ZZZ3: variants seen among roughly 807,000 people sequenced by gnomAD.
ZZZ3 encodes the protein zinc finger ZZ-type containing 3.
ZZZ3 carries 22 observed loss-of-function variants against 95.2 expected under a neutral mutation model. The ratio of observed to expected loss-of-function variants is 0.23; its 90% confidence interval spans 0.17 to 0.33. The LOEUF is 0.33. Among genes scored for constraint, ZZZ3 ranks in the 10% least tolerant of loss-of-function variants. ZZZ3 has a pLI of 1.00. For missense variants in ZZZ3, 885 were observed against 1,066.5 expected (o/e 0.83, Z 2.37); for synonymous variants, 335 against 358.9 (o/e 0.93, Z 0.75).
chr1:77,593,370 T>A (rs948919434), intron 5 of ZZZ3, among the ~76,000 whole-genome samples: 5 of 152,184 alleles, frequency 3.3e-5, no homozygotes, highest in Admixed American at 6.5e-5. Flanking sequence ...AATATAGCAA[T>A]GAAAATGGAC....
At chr1:77,625,195 C>T (rs1667228594) in intron 5 of ZZZ3, among the ~76,000 whole-genome samples, 1 of 152,122 alleles carries the variant, frequency 6.6e-6, no homozygotes, top group Non-Finnish European at 1.5e-5. Flanking sequence ...GGGTTTATTG[C>T]TAAGTGAGTC....
At chr1:77,680,823 A>G (rs899911500) in intron 1 of ZZZ3, among the ~76,000 whole-genome samples, 1 of 152,218 alleles carries the variant, frequency 6.6e-6, no homozygotes, top group African/African-American at 2.4e-5. Flanking sequence ...TACATAACAC[A>G]CATTAAAGAT....
chr1:77,619,566 G>A (rs1344514612), intron 5 of ZZZ3, among the ~76,000 whole-genome samples: 1 of 152,082 alleles, frequency 6.6e-6, no homozygotes, highest in East Asian at 1.9e-4. Flanking sequence ...TTGTAAAATT[G>A]TATTTACAAT....
In ZZZ3 at chr1:77,632,478, T is replaced by C. The variant is rs1667897550; in HGVS notation, c.877A>G (p.Asn293Asp). 1.2e-6 allele frequency: 2 copies of C among 1,614,050 alleles called. No homozygotes were observed. Among genetic ancestry groups the C allele is most frequent in the African/African-American group, 2.7e-5 (2 of 74,924 alleles). Residue 293 changes from asparagine to aspartate, a missense_variant, in exon 5 of 15, where the codon AAT becomes GAT. By Grantham distance (23) the Asn-to-Asp change is conservative (BLOSUM62 1). Transcript: ENST00000370801. ...GTAGCTGGCTCAGTAGTCAGCTGAT[T>C]AACATGTTCCACAGGCAAGCAGGCA... ...VTACLPVEHVNQLTTEPATGP... is the reference protein window; with the variant it reads ...VTACLPVEHVDQLTTEPATGP...
At chr1:77,667,746 T>C (rs903200311) in intron 1 of ZZZ3, among the ~76,000 whole-genome samples, 1 of 150,944 alleles carries the variant, frequency 6.6e-6, no homozygotes, top group Non-Finnish European at 1.5e-5. Flanking sequence ...TTATATACCA[T>C]TAGTTAAATG....
At chr1:77,647,923 T>C (rs1017932306) in intron 1 of ZZZ3, among the ~76,000 whole-genome samples, 3 of 152,060 alleles carry the variant, frequency 2.0e-5, no homozygotes, top group Non-Finnish European at 4.4e-5. Flanking sequence ...CTAACAAAGA[T>C]GAAAAGCAAG....
At chr1:77,596,139 G>A (rs1557710116) in intron 5 of ZZZ3, among the ~76,000 whole-genome samples, 1 of 152,156 alleles carries the variant, frequency 6.6e-6, no homozygotes, top group East Asian at 1.9e-4. Context: ...GACCATCAAA[G>A]GATGCTGCAG....
At chr1:77,572,636 C>A (rs1167161876) in intron 12 of ZZZ3, among the ~76,000 whole-genome samples, 2 of 151,346 alleles carry the variant, frequency 1.3e-5, no homozygotes, top group African/African-American at 2.4e-5. Flanking sequence ...CTGCGCCCGG[C>A]CTTTTTGTTT....
intron 12 of ZZZ3, among the ~76,000 whole-genome samples, chr1:77,570,355 A>G: frequency 6.6e-6 from 1 of 152,110 alleles, no homozygotes; most frequent in East Asian, 1.9e-4. Flanking sequence ...TGCCTGCCTC[A>G]GCCTCCCAAA....
At chr1:77,566,355 G>A (rs1464610944) in intron 13 of ZZZ3, among the ~76,000 whole-genome samples, 174 bp from the exon 14 acceptor site, 1 of 152,130 alleles carries the variant, frequency 6.6e-6, no homozygotes, top group Non-Finnish European at 1.5e-5. Flanking sequence ...TAGCAAACTA[G>A]GTAAAATTCC....
intron 4 of ZZZ3, among the ~76,000 whole-genome samples, chr1:77,636,050 T>C (rs368842254): frequency 4.6e-5 from 7 of 152,214 alleles, no homozygotes; most frequent in African/African-American, 1.7e-4. Flanking sequence ...AAAAAAAGCA[T>C]AAGGCTAAGT....
intron 5 of ZZZ3, 40 bp downstream of exon 5, chr1:77,631,810 T>C (rs376055275): frequency 5.1e-5 from 74 of 1,452,472 alleles, no homozygotes; most frequent in Non-Finnish European, 6.3e-5. Flanking sequence ...TGGGGAATAA[T>C]AAACAAAGCA....
At chr1:77,628,951 T>C (rs947295656) in intron 5 of ZZZ3, among the ~76,000 whole-genome samples, 15 of 152,204 alleles carry the variant, frequency 9.9e-5, no homozygotes, top group African/African-American at 3.4e-4. Flanking sequence ...GGTATGTACA[T>C]ATGTGTGTAC....
At chr1:77,566,292 A>C in intron 13 of ZZZ3, 111 bp from the exon 14 acceptor site, 1 of 705,922 alleles carries the variant, frequency 1.4e-6, no homozygotes, top group Non-Finnish European at 2.4e-6. Context: ...TTCTCTCTCC[A>C]TGCACAGGAC....
chr1:77,609,358 C>T (rs59789474), intron 5 of ZZZ3, among the ~76,000 whole-genome samples: 2,102 of 152,192 alleles, frequency 0.014, 46 homozygotes, highest in African/African-American at 0.048. Context: ...AATATATATG[C>T]ACTCAACACT....
Position 77,578,771 on chromosome 1 carries a change from T to C in ZZZ3, c.2178+3A>G. ...CAGTTTACTTTCATGTATTTTCTTT[T>C]ACCTTTTTGGAGTATATATATAAGT... On this transcript the variant is annotated splice_donor_region_variant and intron_variant, in intron 11 of 14. Coordinates refer to ENST00000370801, the MANE Select transcript of ZZZ3 (RefSeq NM_015534.6). 6.7e-7 allele frequency: 1 copy of C among 1,501,822 alleles called. No homozygotes were observed. Among genetic ancestry groups the C allele is most frequent in the Non-Finnish European group, 8.9e-7 (1 of 1,126,552 alleles). The allele number at this position is 1,501,822 out of a possible 1,614,324, so 93.0% of individuals were successfully genotyped here.
chr1:77,653,014 T>C (rs56919088), intron 1 of ZZZ3, among the ~76,000 whole-genome samples: 1,544 of 152,188 alleles, frequency 0.01, 13 homozygotes, highest in Middle Eastern at 0.048. Flanking sequence ...TGGTAAGACC[T>C]TGTTTCTACA....
chr1:77,648,551 T>C (rs1669510279), intron 1 of ZZZ3, among the ~76,000 whole-genome samples: 1 of 152,152 alleles, frequency 6.6e-6, no homozygotes, highest in Non-Finnish European at 1.5e-5. Context: ...CTTTTTAATG[T>C]GAATTGATTC....
At chr1:77,653,765 A>C (rs894961732) in intron 1 of ZZZ3, among the ~76,000 whole-genome samples, 2 of 152,142 alleles carry the variant, frequency 1.3e-5, no homozygotes, top group Non-Finnish European at 2.9e-5. Context: ...AAAAAAAATT[A>C]AAAAAGATAA....
Sources: allele counts gnomAD v4.1 joint callset (sites outside exome capture counted in the v4.1 genomes callset), GRCh38; gene constraint gnomAD v4.1.1; transcripts MANE v1.5; gene names NCBI Gene and HGNC (gene_info 2026-07-23, HGNC 2026-07-21).